The following BRINP1 variants were observed in gnomAD, a reference collection of about 807,000 sequenced individuals.
BRINP1 encodes the protein BMP/retinoic acid inducible neural specific 1.
BRINP1 carries 17 observed loss-of-function variants against 72.9 expected under a neutral mutation model. The ratio of observed to expected loss-of-function variants is 0.23; its 90% confidence interval spans 0.16 to 0.35. The LOEUF is 0.35. Among genes scored for constraint, BRINP1 ranks in the 10% least tolerant of loss-of-function variants. The pLI is 1.00. For missense variants in BRINP1, 850 were observed against 1,001.6 expected, an observed-to-expected ratio of 0.85 and a Z score of 2.04; for synonymous variants, 418 against 378.5, an observed-to-expected ratio of 1.10 and a Z score of -1.21.
At chr9:119,276,427 G>T (rs1418957912) in intron 2 of BRINP1, among the ~76,000 whole-genome samples, 8 of 152,152 alleles carry the variant, frequency 5.3e-5, no homozygotes, top group South Asian at 2.1e-4. Flanking sequence ...TAATACACAT[G>T]TGAAATGCTA....
intron 6 of BRINP1, among the ~76,000 whole-genome samples, chr9:119,212,691 A>G (rs1292559208): frequency 6.6e-6 from 1 of 152,166 alleles, no homozygotes; most frequent in Non-Finnish European, 1.5e-5. Context: ...GCTTTTTTGC[A>G]TGAGTCCATT....
At chr9:119,232,231 T>C (rs963218960) in intron 5 of BRINP1, among the ~76,000 whole-genome samples, 1 of 152,162 alleles carries the variant, frequency 6.6e-6, no homozygotes, top group South Asian at 2.1e-4. Flanking sequence ...AATTCATCCA[T>C]AAATTCAGTC....
At chr9:119,207,941 C>T (rs1053916199) in intron 7 of BRINP1, among the ~76,000 whole-genome samples, 1 of 152,106 alleles carries the variant, frequency 6.6e-6, no homozygotes, top group Admixed American at 6.5e-5. Context: ...CCTGGAGGCA[C>T]CTCTACAGTA....
chr9:119,175,119 T>A (rs1363722910), intron 7 of BRINP1, among the ~76,000 whole-genome samples: 1,604 of 61,842 alleles, frequency 0.026, 21 homozygotes, highest in African/African-American at 0.054. Flanking sequence ...AAGTAAAGTA[T>A]AAAAAAAAAA....
At chr9:119,281,326 C>T (rs1830709231) in intron 2 of BRINP1, among the ~76,000 whole-genome samples, 1 of 147,986 alleles carries the variant, frequency 6.8e-6, no homozygotes, top group Non-Finnish European at 1.5e-5. Context: ...AATCAGCCTG[C>T]TTTTGCGGAA....
chr9:119,320,528 G>A (rs1215074734), intron 1 of BRINP1, among the ~76,000 whole-genome samples: 5 of 152,184 alleles, frequency 3.3e-5, no homozygotes, highest in Non-Finnish European at 7.4e-5. Context: ...CGTGTGGTGA[G>A]TGCGAAGTGC....
chr9:119,184,984 G>T (rs192901920), intron 7 of BRINP1, among the ~76,000 whole-genome samples: 80 of 152,212 alleles, frequency 5.3e-4, no homozygotes, highest in African/African-American at 1.5e-3. Context: ...TTAATTCCAG[G>T]AGATGTAAAA....
rs1252562581 is a variant in BRINP1, at chr9:119,229,490, C to T, written c.685+9165G>A. Among the ~76,000 whole-genome samples the T allele has an allele frequency of 2.6e-5, 4 of 151,940 alleles. No homozygotes were observed. In the East Asian group the frequency reaches 5.8e-4, roughly 22 times the overall value. On this transcript the variant is annotated intron_variant, in intron 5 of 7. Transcript: ENST00000265922. ...AACTAAGGTCCGTTTGACTCCAGGG[C>T]CTTTTCTTGAAACCACTATTCTACA... is the stretch of plus-strand genomic sequence containing the variant.
chr9:119,287,912 G>T (rs1350283700), intron 2 of BRINP1, among the ~76,000 whole-genome samples: 3 of 152,136 alleles, frequency 2.0e-5, no homozygotes, highest in Middle Eastern at 6.8e-3. Context: ...CCTGGATGAT[G>T]AAATAATCTA....
intron 3 of BRINP1, among the ~76,000 whole-genome samples, chr9:119,245,971 T>C (rs950905577): frequency 3.9e-5 from 6 of 152,242 alleles, no homozygotes; most frequent in Non-Finnish European, 1.5e-5. Flanking sequence ...GATTCCCAAG[T>C]TTCTTAGCCC....
At chr9:119,294,695 A>G (rs547501127) in intron 2 of BRINP1, among the ~76,000 whole-genome samples, 3 of 152,004 alleles carry the variant, frequency 2.0e-5, no homozygotes, top group African/African-American at 7.2e-5. Flanking sequence ...GTAAAACCCC[A>G]TCTCTACTAA....
chr9:119,230,789 G>C (rs1296835161), intron 5 of BRINP1, among the ~76,000 whole-genome samples: 1 of 152,036 alleles, frequency 6.6e-6, no homozygotes, highest in African/African-American at 2.4e-5. Context: ...ATTTGAATGT[G>C]AAGATTTGGA....
At chr9:119,335,961 T>A (rs547648813) in intron 1 of BRINP1, among the ~76,000 whole-genome samples, 1 of 152,206 alleles carries the variant, frequency 6.6e-6, no homozygotes, top group Non-Finnish European at 1.5e-5. Flanking sequence ...AGTCAGGATG[T>A]TCTTCTTTTG....
intron 2 of BRINP1, among the ~76,000 whole-genome samples, chr9:119,256,636 A>G (rs1016085105): frequency 1.3e-5 from 2 of 152,190 alleles, no homozygotes; most frequent in Non-Finnish European, 2.9e-5. Context: ...TTTTACAATT[A>G]TTTGTATAGG....
At chr9:119,229,377 C>G (rs1830125651) in intron 5 of BRINP1, among the ~76,000 whole-genome samples, 1 of 151,918 alleles carries the variant, frequency 6.6e-6, no homozygotes, top group Non-Finnish European at 1.5e-5. Flanking sequence ...ATACAACAAC[C>G]ATAGGAAGTA....
chr9:119,219,941 C>T (rs1160381099), intron 5 of BRINP1, among the ~76,000 whole-genome samples: 17 of 152,094 alleles, frequency 1.1e-4, no homozygotes, highest in Admixed American at 9.8e-4. Context: ...GAAAAGGCCA[C>T]GGGCATAGAA....
intron 3 of BRINP1, among the ~76,000 whole-genome samples, chr9:119,247,063 A>C (rs1421017107): frequency 6.6e-6 from 1 of 152,242 alleles, no homozygotes; most frequent in East Asian, 1.9e-4. Context: ...TGGGGTTTCC[A>C]GGAACTCAGA....
At chr9:119,361,764 G>T (rs567841523) in intron 1 of BRINP1, among the ~76,000 whole-genome samples, 2 of 147,864 alleles carry the variant, frequency 1.4e-5, no homozygotes, top group South Asian at 4.3e-4. Context: ...GGAACTACAG[G>T]TGTGCACCAT....
intron 5 of BRINP1, 36 bp from the exon 6 acceptor site, chr9:119,214,191 T>C: frequency 6.6e-7 from 1 of 1,511,824 alleles, no homozygotes; most frequent in Non-Finnish European, 9.1e-7. Context: ...AACAGAAAGG[T>C]TTAAAAAAAG....
Sources: gnomAD v4.1 joint callset for allele counts (sites outside exome capture counted in the v4.1 genomes callset) on GRCh38, gnomAD v4.1.1 for gene constraint, MANE v1.5 for transcripts, NCBI Gene and HGNC (gene_info 2026-07-23, HGNC 2026-07-21) for gene names.